CST8: variants seen among roughly 807,000 people sequenced by gnomAD.
CST8 encodes the protein cystatin-8.
Under a neutral mutation model 11.8 loss-of-function variants are expected in CST8, and 20 were observed. The observed-to-expected ratio is 1.70, with a 90% CI of 1.20 to 2.47. The LOEUF (loss-of-function observed/expected upper bound fraction) is 2.47, where lower values mean the gene tolerates loss of function less well. CST8 is among the 30% of genes most tolerant of loss of function. The pLI is 0.00. For missense variants in CST8, 196 were observed against 167.2 expected, an observed-to-expected ratio of 1.17 and a Z score of -0.95; for synonymous variants, 77 against 63.1, an observed-to-expected ratio of 1.22 and a Z score of -1.05.
At chr20:23,494,501 A>G (rs1987983541) in intron 3 of CST8, among the ~76,000 whole-genome samples, 1 of 151,986 alleles carries the variant, frequency 6.6e-6, no homozygotes, top group African/African-American at 2.4e-5. Flanking sequence ...TTTATTGCAT[A>G]TTTTCAATAC....
At chr20:23,493,398 C>A (rs1987950600) in intron 3 of CST8, among the ~76,000 whole-genome samples, 1 of 152,164 alleles carries the variant, frequency 6.6e-6, no homozygotes, top group Admixed American at 6.5e-5. Flanking sequence ...TCCAGACAAG[C>A]CACCCACTAT....
the CST8 span, among the ~76,000 whole-genome samples, chr20:23,506,301 G>T: frequency 1.3e-5 from 2 of 152,176 alleles, no homozygotes; most frequent in South Asian, 2.1e-4. Flanking sequence ...CATGGTGAGG[G>T]TGGGTGCTGT....
downstream of CST8, among the ~76,000 whole-genome samples, chr20:23,500,671 C>T (rs756868118): frequency 8.0e-5 from 12 of 149,686 alleles, no homozygotes; most frequent in African/African-American, 2.4e-4. Flanking sequence ...TGGGGGCGGA[C>T]GGTGCCCCTG....
the CST8 span, among the ~76,000 whole-genome samples, chr20:23,502,563 AGATGATGCCTGCTGGGGTCAGT>A: frequency 6.6e-6 from 1 of 152,188 alleles, no homozygotes; most frequent in African/African-American, 2.4e-5. Context: ...GCTGCACATA[AGATGATGCCTGCTGGGGTCAGT>A]GATGATGCTT....
chr20:23,498,048 A>G (rs149055946), downstream of CST8, among the ~76,000 whole-genome samples: 220 of 151,856 alleles, frequency 1.4e-3, 1 homozygote, highest in African/African-American at 5.0e-3. Flanking sequence ...GAGAGAGGGA[A>G]GAGGGAGAGA....
chr20:23,498,775 T>G (rs943789994), downstream of CST8, among the ~76,000 whole-genome samples: 2 of 152,244 alleles, frequency 1.3e-5, no homozygotes, highest in East Asian at 1.9e-4. Context: ...TATCTTTTAT[T>G]ACTTGAGATT....
At chr20:23,502,624 CACCCAA>C in the CST8 span, among the ~76,000 whole-genome samples, 3 of 152,208 alleles carry the variant, frequency 2.0e-5, no homozygotes, top group Admixed American at 6.5e-5. Context: ...TGGATTCTTA[CACCCAA>C]ACCTTCACGT....
downstream of CST8, among the ~76,000 whole-genome samples, chr20:23,500,565 A>G (rs1988158989): frequency 6.6e-6 from 1 of 151,954 alleles, no homozygotes; most frequent in African/African-American, 2.4e-5. Context: ...GCGTCCTAGG[A>G]GGGGCCCTCC....
At chr20:23,498,808 G>A (rs1988119482), downstream of CST8, among the ~76,000 whole-genome samples, 2 of 152,188 alleles carry the variant, frequency 1.3e-5, no homozygotes, top group South Asian at 4.1e-4. Context: ...CTGATTGAAA[G>A]TGCTTCTTTC....
intron 3 of CST8, among the ~76,000 whole-genome samples, chr20:23,495,156 G>A (rs77727180): frequency 7.7e-4 from 117 of 152,208 alleles, no homozygotes; most frequent in Middle Eastern, 6.8e-3. Context: ...ATGTTTTATG[G>A]CTGTGTAGAA....
chr20:23,491,433 A>C, intron 1 of CST8, 91 bp downstream of exon 1: 1 of 565,972 alleles, frequency 1.8e-6, no homozygotes, highest in Non-Finnish European at 3.2e-6. Flanking sequence ...GCTGGTAGAG[A>C]GACTCCTTAA....
downstream of CST8, among the ~76,000 whole-genome samples, chr20:23,499,299 T>C (rs1404528360): frequency 6.6e-6 from 1 of 152,244 alleles, no homozygotes; most frequent in Admixed American, 6.5e-5. Flanking sequence ...CTGCCTGTCT[T>C]AATCTCTTCC....
chr20:23,499,729 A>T (rs972782802), downstream of CST8, among the ~76,000 whole-genome samples: 1 of 152,194 alleles, frequency 6.6e-6, no homozygotes, highest in African/African-American at 2.4e-5. Flanking sequence ...CCTGGCGACC[A>T]GTCATGGCCA....
At chr20:23,496,112 G>A (rs546121479), downstream of CST8, 71 of 565,134 alleles carry the variant, frequency 1.3e-4, no homozygotes, top group Admixed American at 9.4e-4. Flanking sequence ...ACACAGCCAC[G>A]CACCTTTGTT....
chr20:23,502,790 T>A, the CST8 span, among the ~76,000 whole-genome samples: 1 of 152,228 alleles, frequency 6.6e-6, no homozygotes, highest in South Asian at 2.1e-4. Flanking sequence ...GCTGTAGACC[T>A]CCATTTACGG....
At chr20:23,492,655 G>A (rs967911615) in intron 2 of CST8, among the ~76,000 whole-genome samples, 6 of 152,190 alleles carry the variant, frequency 3.9e-5, no homozygotes, top group African/African-American at 1.4e-4. Context: ...CACTGAGCAT[G>A]CAGCATGCCC....
the CST8 span, among the ~76,000 whole-genome samples, chr20:23,503,540 C>T: frequency 6.6e-6 from 1 of 151,782 alleles, no homozygotes; most frequent in African/African-American, 2.4e-5. Context: ...AATAAAATGG[C>T]CCTAAAAGAC....
downstream of CST8, chr20:23,496,026 T>G (rs2122204103): frequency 2.4e-6 from 2 of 822,726 alleles, no homozygotes; most frequent in East Asian, 5.1e-5. Context: ...GCCTCTCTGC[T>G]TGGTGTTTTG....
chr20:23,500,117 G>A (rs1306264447), downstream of CST8, among the ~76,000 whole-genome samples: 1 of 152,002 alleles, frequency 6.6e-6, no homozygotes, highest in Non-Finnish European at 1.5e-5. Context: ...CAATCTTACG[G>A]TGGGAAACTC....
Sources: gnomAD v4.1 joint callset for allele counts (sites outside exome capture counted in the v4.1 genomes callset) on GRCh38, gnomAD v4.1.1 for gene constraint, MANE v1.5 for transcripts, NCBI Gene and HGNC (gene_info 2026-07-23, HGNC 2026-07-21) for gene names.